Variants in NPR3 observed in about 807,000 individuals in gnomAD.
The protein encoded by NPR3 is atrial natriuretic peptide receptor 3.
NPR3 carries 34 observed loss-of-function variants against 54.5 expected under a neutral mutation model. The observed-to-expected ratio is 0.62, with a 90% confidence interval of 0.47 to 0.83. The LOEUF is 0.83. Ranked by LOEUF, NPR3 falls within the 40% of genes least tolerant of loss-of-function variation. The pLI is 0.00. For synonymous variants in NPR3, 289 were observed against 297.1 expected (o/e 0.97, Z 0.28); for missense variants, 674 against 720.8 (o/e 0.94, Z 0.74).
chr5:32,742,346 G>GTA (rs1740079749), intron 3 of NPR3, among the ~76,000 whole-genome samples: 2 of 152,046 alleles, frequency 1.3e-5, no homozygotes, highest in African/African-American at 2.4e-5. Flanking sequence ...AAGAAGCTGG[G>GTA]CACAGTGGTA....
At chr5:32,709,819 A>G (rs1738118212), upstream of NPR3, 1 of 129,150 alleles carries the variant, frequency 7.7e-6, no homozygotes, top group South Asian at 2.2e-4. Flanking sequence ...GCAAGTGAGA[A>G]CCAGAGCGCG....
chr5:32,708,011 A>C (rs962619256), upstream of NPR3, among the ~76,000 whole-genome samples: 8 of 150,750 alleles, frequency 5.3e-5, no homozygotes, highest in Admixed American at 5.3e-4. Context: ...AAAAAAAAAA[A>C]AAAAACAACC....
Position 32,788,388 on chromosome 5 carries a change from T to C in NPR3, c.*2043T>C, listed in dbSNP as rs748887970. The C allele has an allele frequency of 5.9e-5, 9 of 152,218 alleles. No individual in the cohort carries two copies. The highest frequency in any genetic ancestry group is 8.8e-5 in the Non-Finnish European group (6 of 68,046). 9.4% of individuals were successfully genotyped at this position (152,218 alleles called of 1,614,324 possible). A position where few individuals can be genotyped will look rare whatever the true frequency, so the allele number is the denominator to read the frequency against. ...TTGTACCACTTGGGACTCCCCAAAG[T>C]GAAACAGCAAGGAAGGATTGTGTCC... On this transcript the variant is annotated 3_prime_UTR_variant, in exon 8 of 8. Transcript: ENST00000265074.
chr5:32,750,012 A>G (rs1010527529), intron 3 of NPR3, among the ~76,000 whole-genome samples: 4 of 152,018 alleles, frequency 2.6e-5, no homozygotes, highest in African/African-American at 9.7e-5. Flanking sequence ...GGTGACAGTG[A>G]CTCCAATTCT....
chr5:32,778,454 G>A lies in NPR3; in HGVS notation c.1196-2268G>A, dbSNP rs566728833. 2.0e-5 allele frequency among the ~76,000 whole-genome samples: 3 copies of A among 152,224 alleles called. No homozygotes were observed. In the South Asian group the frequency reaches 6.2e-4, roughly 32 times the overall value. ...TTAAGTGACCATTAAGTTGTCAAGG[G>A]AAAAATACTCTGACTGTGATTTGAC... On this transcript the variant is annotated intron_variant, in intron 4 of 7. Coordinates refer to ENST00000265074, the MANE Select transcript of NPR3 (RefSeq NM_001204375.2).
At chr5:32,782,617 C>G (rs754181016) in intron 5 of NPR3, among the ~76,000 whole-genome samples, 12 of 152,204 alleles carry the variant, frequency 7.9e-5, no homozygotes, top group African/African-American at 2.9e-4. Context: ...TCTTAATGCT[C>G]TCTTGAGAGC....
Position 32,738,910 on chromosome 5 carries a change from G to A in NPR3, c.939G>A (p.Lys313=), listed in dbSNP as rs1190781469. Residue 313 remains lysine (K), a synonymous_variant, in exon 3 of 8, where the codon AAG becomes AAA. Coordinates refer to ENST00000265074, the MANE Select transcript of NPR3 (RefSeq NM_001204375.2). ...KRGDKHDFEA[K]QAYSSLQTVT... is the part of the protein sequence containing the mutation. The stretch of plus-strand genomic sequence containing the variant: ...GAGACAAACACGACTTTGAAGCTAA[G>A]CAAGCATACTCGTCCCTCCAGACAG... 6.2e-7 allele frequency: 1 copy of A among 1,613,818 alleles called. No individual in the cohort carries two copies. Among genetic ancestry groups the A allele is most frequent in the Non-Finnish European group, 8.5e-7 (1 of 1,179,850 alleles).
chr5:32,770,437 A>G (rs947149427), intron 3 of NPR3, among the ~76,000 whole-genome samples: 1 of 152,136 alleles, frequency 6.6e-6, no homozygotes, highest in Non-Finnish European at 1.5e-5. Flanking sequence ...TTCAAAAAAA[A>G]AAAGAAAAAG....
intron 2 of NPR3, among the ~76,000 whole-genome samples, chr5:32,726,306 T>C (rs1387422989): frequency 6.6e-6 from 1 of 152,176 alleles, no homozygotes; most frequent in African/African-American, 2.4e-5. Context: ...AACACGCTTA[T>C]CATGGAGATA....
rs748802731 is a variant in NPR3, at chr5:32,789,629, G to A, written c.*3284G>A. 1.9e-6 allele frequency: 1 copy of A among 534,638 alleles called. No homozygotes were observed. The highest frequency in any genetic ancestry group is 1.4e-5 in the South Asian group (1 of 71,592). 33.1% of individuals were successfully genotyped at this position (534,638 alleles called of 1,614,324 possible). On this transcript the variant is annotated 3_prime_UTR_variant, in exon 8 of 8. Transcript: ENST00000265074. ...TGCCCTCACTTCTCCCTATTCACAG[G>A]CTTCTAAAATCATTAATTTACTCAA...
intron 6 of NPR3, 49 bp downstream of exon 6, chr5:32,783,077 A>T (rs1245461320): frequency 6.5e-7 from 1 of 1,532,134 alleles, no homozygotes; most frequent in East Asian, 2.3e-5. Flanking sequence ...CTCTAACCTC[A>T]GTGTAATGTA....
rs1738283650 is a variant in NPR3 at position 32,712,178 on chromosome 5, A to C, written c.402A>C (p.Pro134=). The C allele has an allele frequency of 1.2e-6, 2 of 1,613,000 alleles. No homozygotes were observed. Among genetic ancestry groups the C allele is most frequent in the Non-Finnish European group, 1.7e-6 (2 of 1,179,764 alleles). ...CCAAGCCAGACCTTATCCTGGGGCC[A>C]GTGTGCGAGTATGCAGCAGCGCCAG... ...RGAKPDLILG[P]VCEYAAAPVA... Residue 134 remains proline (P), a synonymous_variant, in exon 1 of 8, where the codon CCA becomes CCC. Coordinates refer to ENST00000265074, the MANE Select transcript of NPR3 (RefSeq NM_001204375.2).
intron 1 of NPR3, chr5:32,713,398 G>A: frequency 2.0e-6 from 2 of 985,440 alleles, no homozygotes; most frequent in East Asian, 1.1e-4. Context: ...GGAGCGGGGG[G>A]ACGCGGACGT....
upstream of NPR3, chr5:32,711,225 C>G (rs1738203967): frequency 3.0e-6 from 1 of 336,224 alleles, no homozygotes; most frequent in African/African-American, 2.3e-5. Flanking sequence ...CCCACCCCAC[C>G]CGCTGGAAAC....
rs1456034881 is a variant in NPR3 at position 32,728,829 on chromosome 5, G to GTA, written c.892+4010_892+4011insAT. On this transcript the variant is annotated intron_variant, in intron 2 of 7. Coordinates refer to ENST00000265074, the MANE Select transcript of NPR3 (RefSeq NM_001204375.2). ...TTTTGGAATATTTGTGTGTGTGTGT[G>GTA]TGTGTGTGTATATATATATATATAT... Among the ~76,000 whole-genome samples the GTA allele has an allele frequency of 5.0e-3, 381 of 75,968 alleles. 1 individual carries two copies. Among genetic ancestry groups the GTA allele is most frequent in the South Asian group, 9.8e-3 (21 of 2,140 alleles). The allele number at this position is 75,968 out of a possible 152,430, so 49.8% of individuals were successfully genotyped here.
At chr5:32,780,524 G>A (rs1315531460) in intron 4 of NPR3, among the ~76,000 whole-genome samples, 198 bp from the exon 5 acceptor site, 2 of 152,142 alleles carry the variant, frequency 1.3e-5, no homozygotes, top group Admixed American at 6.5e-5. Flanking sequence ...ATGGAGAAAT[G>A]TTAAGAATTT....
At chr5:32,774,645 C>T (rs960920632) in intron 3 of NPR3, 63 bp from the exon 4 acceptor site, 16 of 1,295,572 alleles carry the variant, frequency 1.2e-5, no homozygotes, top group Non-Finnish European at 1.8e-5. Flanking sequence ...TTGGATTGCT[C>T]ATCTTATTCC....
chr5:32,734,884 C>T (rs957389427), intron 2 of NPR3, among the ~76,000 whole-genome samples: 1 of 152,218 alleles, frequency 6.6e-6, no homozygotes, highest in Non-Finnish European at 1.5e-5. Context: ...GCCATCCATC[C>T]CTTTCTGGTA....
intron 2 of NPR3, among the ~76,000 whole-genome samples, chr5:32,737,883 G>A (rs570673450): frequency 6.6e-6 from 1 of 152,038 alleles, no homozygotes; most frequent in South Asian, 2.1e-4. Flanking sequence ...AGGAGTAAAT[G>A]TTTTTACGCA....
Sources: gnomAD v4.1 joint callset for allele counts (sites outside exome capture counted in the v4.1 genomes callset) on GRCh38, gnomAD v4.1.1 for gene constraint, MANE v1.5 for transcripts, NCBI Gene and HGNC (gene_info 2026-07-23, HGNC 2026-07-21) for gene names.